The following ALMS1 variants were observed in gnomAD, a reference collection of about 807,000 sequenced individuals.
ALMS1 encodes ALMS1 centrosome and basal body associated protein, also known as centrosome-associated protein ALMS1.
Under a neutral mutation model 352.2 loss-of-function variants are expected in ALMS1, and 271 were observed. The observed-to-expected ratio is 0.77, with a 90% CI of 0.70 to 0.85. The LOEUF (loss-of-function observed/expected upper bound fraction) is 0.85, where lower values mean the gene tolerates loss of function less well. Ranked by LOEUF, ALMS1 falls within the 40% of genes least tolerant of loss-of-function variation. ALMS1 has a pLI of 0.00. For synonymous variants in ALMS1, 1,865 were observed against 1,761.2 expected (o/e 1.06, Z -1.48); for missense variants, 5,445 against 4,870.7 (o/e 1.12, Z -3.51).
At chr2:73,416,574 G>A (rs560546003) in intron 2 of ALMS1, among the ~76,000 whole-genome samples, 19 of 152,210 alleles carry the variant, frequency 1.2e-4, no homozygotes, top group African/African-American at 4.1e-4. Flanking sequence ...AAATGTTTGC[G>A]AAAATATTTG....
At chr2:73,522,810 G>A (rs1003784797) in intron 11 of ALMS1, among the ~76,000 whole-genome samples, 1 of 152,038 alleles carries the variant, frequency 6.6e-6, no homozygotes, top group Non-Finnish European at 1.5e-5. Flanking sequence ...TTCTTTAGAG[G>A]TCACTTTGCC....
chr2:73,529,708 C>G (rs1419880753), intron 11 of ALMS1, among the ~76,000 whole-genome samples: 1 of 152,118 alleles, frequency 6.6e-6, no homozygotes, highest in Admixed American at 6.5e-5. Context: ...TGTATTAGTC[C>G]ATTTTCAAAC....
intron 9 of ALMS1, among the ~76,000 whole-genome samples, chr2:73,468,452 A>G (rs537934534): frequency 3.3e-5 from 5 of 152,132 alleles, no homozygotes; most frequent in East Asian, 1.9e-4. Context: ...AAGTACATTC[A>G]TATTGTTGTG....
chr2:73,544,159 A>G (rs1674259661), intron 12 of ALMS1, among the ~76,000 whole-genome samples: 1 of 152,226 alleles, frequency 6.6e-6, no homozygotes, highest in South Asian at 2.1e-4. Context: ...AATGTGGCAC[A>G]TATACACCAT....
intron 16 of ALMS1, among the ~76,000 whole-genome samples, chr2:73,593,151 A>T (rs1350512945): frequency 6.6e-6 from 1 of 151,742 alleles, no homozygotes; most frequent in Non-Finnish European, 1.5e-5. Flanking sequence ...AGGAAAGTGA[A>T]CTGTTTTGGT....
chr2:73,485,107 A>C (rs993751641), intron 9 of ALMS1, among the ~76,000 whole-genome samples: 6 of 152,056 alleles, frequency 3.9e-5, no homozygotes, highest in Non-Finnish European at 7.4e-5. Flanking sequence ...GCTTTGTTCC[A>C]TTGCTGGTGA....
chr2:73,605,074 A>G (rs1675784735), intron 21 of ALMS1, among the ~76,000 whole-genome samples: 1 of 152,216 alleles, frequency 6.6e-6, no homozygotes, highest in South Asian at 2.1e-4. Context: ...TTTTCATGGA[A>G]CATGACTTTT....
At chr2:73,529,887 T>C (rs1014471745) in intron 11 of ALMS1, among the ~76,000 whole-genome samples, 12 of 152,204 alleles carry the variant, frequency 7.9e-5, no homozygotes, top group African/African-American at 2.6e-4. Context: ...ATCTCAGGGA[T>C]AACTGCCACG....
intron 10 of ALMS1, among the ~76,000 whole-genome samples, chr2:73,494,199 C>G (rs569092656): frequency 6.6e-6 from 1 of 152,306 alleles, no homozygotes; most frequent in East Asian, 1.9e-4. Flanking sequence ...GTAACCTACC[C>G]TTGGATGTGT....
chr2:73,453,443 C>T lies in ALMS1; in HGVS notation c.6916C>T (p.Pro2306Ser), dbSNP rs769988933. The change falls in exon 8 of 23, where the codon CCC (proline) becomes TCC (serine). Residue 2306 changes from proline to serine, a missense_variant. By Grantham distance (74) the Pro-to-Ser change is moderately conservative (BLOSUM62 -1). Coordinates refer to ENST00000613296, the MANE Select transcript of ALMS1 (RefSeq NM_001378454.1). ...TAAGAAGGTGGTTTGCTTCAAAGAA[C>T]CCTCTTCCACGGGTGTATCTAATGG... ...QSKKVVCFKE[P>S]SSTGVSNGDL... 8 of 1,613,176 alleles carry T rather than the reference C, an allele frequency of 5.0e-6. No homozygotes were observed. The East Asian group carries it at 8.9e-5, about 18-fold the overall frequency.
chr2:73,435,440 T>C (rs571379779), intron 7 of ALMS1, among the ~76,000 whole-genome samples: 18 of 152,296 alleles, frequency 1.2e-4, no homozygotes, highest in Non-Finnish European at 1.9e-4. Flanking sequence ...ACTCTGGGGC[T>C]TATAATATTT....
chr2:73,519,971 T>C lies in ALMS1; in HGVS notation c.9736T>C (p.Ser3246Pro). Residue 3246 changes from serine to proline, a missense_variant, in exon 11 of 23, where the codon TCA (serine) becomes CCA (proline). Coordinates refer to ENST00000613296, the MANE Select transcript of ALMS1 (RefSeq NM_001378454.1). The stretch of plus-strand genomic sequence containing the variant: ...ACGCAAAGCTCCTGTCAAGTTTGCC[T>C]CATCATCTTCAGTCCAACAGGTTAC... ...KLRKAPVKFA[S>P]SSSVQQVTFS... 6.2e-7 allele frequency: 1 copy of C among 1,614,124 alleles called. No individual in the cohort carries two copies. Among genetic ancestry groups the C allele is most frequent in the Non-Finnish European group, 8.5e-7 (1 of 1,179,966 alleles).
rs781538261 is a variant in ALMS1, at chr2:73,451,957, G to A, written c.5430G>A (p.Glu1810=). The A allele has an allele frequency of 1.2e-6, 2 of 1,613,660 alleles. No individual in the cohort carries two copies. Among genetic ancestry groups the A allele is most frequent in the East Asian group, 2.2e-5 (1 of 44,866 alleles). The part of the protein sequence containing the change: ...TVTSTSYSHR[E]KPIVSYQREL... ...CCTCTACTTCCTACTCACACAGAGA[G>A]AAGCCCATTGTTTCCTACCAGCGAG... Residue 1810 remains glutamate, a synonymous_variant, in exon 8 of 23, where the codon GAG becomes GAA. Transcript: ENST00000613296.
At position 73,571,996 on chromosome 2, in the gene ALMS1, A is replaced by G. The variant is rs182347115; in HGVS notation, c.10385-266A>G. ...TATAGCAGTTGCTTTTATGATCTGG[A>G]GAACTGAAGTGCCTTCCTCCAGGTC... On this transcript the variant is annotated intron_variant, in intron 15 of 22. Transcript: ENST00000613296. 3.9e-5 allele frequency among the ~76,000 whole-genome samples: 6 copies of G among 152,254 alleles called. No homozygotes were observed. In the East Asian group the frequency reaches 1.2e-3, roughly 29 times the overall value.
At position 73,451,173 on chromosome 2, in the gene ALMS1, G is replaced by T. The variant is rs769567141; in HGVS notation, c.4646G>T (p.Arg1549Ile). The T allele has an allele frequency of 2.5e-6, 4 of 1,611,212 alleles. No homozygotes were observed. The highest frequency in any genetic ancestry group is 3.4e-6 in the Non-Finnish European group (4 of 1,179,150). Residue 1549 changes from arginine (R) to isoleucine (I), a missense_variant, in exon 8 of 23, where the codon AGA becomes ATA. Transcript: ENST00000613296. ...AGTCAAATACCTGAAGAGGCTCTCA[G>T]AGTTTCTTCTGCTCCTGGACCAGCT... ...LGSQIPEEALRVSSAPGPADQ... is the reference protein window; with the variant it reads ...LGSQIPEEALIVSSAPGPADQ...
At position 73,424,840 on chromosome 2, in the gene ALMS1, G is replaced by T. The variant is rs754255367; in HGVS notation, c.1175G>T (p.Arg392Leu). 3 of 1,608,088 alleles carry T rather than the reference G, an allele frequency of 1.9e-6. No individual in the cohort carries two copies. The highest frequency in any genetic ancestry group is 2.2e-5 in the South Asian group (2 of 90,360). Residue 392 changes from arginine to leucine, a missense_variant, in exon 5 of 23, where the codon CGT becomes CTT. Physicochemically the swap from Arg to Leu is moderately radical, Grantham distance 102. Transcript: ENST00000613296. ...TKRSDHFDAA[R>L]SYGQYWTQED... ...AGAAGTGACCATTTTGATGCTGCTC[G>T]TTCATATGGGCAGTATTGGACACAG...
intron 10 of ALMS1, among the ~76,000 whole-genome samples, chr2:73,508,978 CTCT>C (rs1250755885): frequency 1.3e-5 from 2 of 151,998 alleles, no homozygotes; most frequent in African/African-American, 4.8e-5. Context: ...TTATGTAATG[CTCT>C]TCTTTGTCTT....
At chr2:73,435,709 A>G (rs1431836156) in intron 7 of ALMS1, among the ~76,000 whole-genome samples, 1 of 151,904 alleles carries the variant, frequency 6.6e-6, no homozygotes, top group Non-Finnish European at 1.5e-5. Flanking sequence ...CTCCTGCCTC[A>G]GCCTCCTCTG....
chr2:73,553,325 G>A (rs974532022), intron 13 of ALMS1, among the ~76,000 whole-genome samples: 7 of 152,178 alleles, frequency 4.6e-5, no homozygotes, highest in Non-Finnish European at 7.3e-5. Flanking sequence ...AAAACATGGT[G>A]GGATTGAGGA....
Sources: gnomAD v4.1 joint callset for allele counts (sites outside exome capture counted in the v4.1 genomes callset) on GRCh38, gnomAD v4.1.1 for gene constraint, MANE v1.5 for transcripts, NCBI Gene and HGNC (gene_info 2026-07-23, HGNC 2026-07-21) for gene names.